The following VGLL4 variants were observed in gnomAD, a reference collection of about 807,000 sequenced individuals.
The protein encoded by VGLL4 is transcription cofactor vestigial-like protein 4.
VGLL4 carries 7 observed loss-of-function variants against 21.0 expected under a neutral mutation model. The observed-to-expected ratio is 0.33, with a 90% confidence interval of 0.19 to 0.63. The LOEUF (loss-of-function observed/expected upper bound fraction) is 0.63. Among genes scored for constraint, VGLL4 ranks in the 20% least tolerant of loss-of-function variants. The pLI is 0.78. For synonymous variants in VGLL4, 222 were observed against 173.2 expected (o/e 1.28, Z -2.21); for missense variants, 394 against 425.7 (o/e 0.93, Z 0.66).
intron 1 of VGLL4, among the ~76,000 whole-genome samples, chr3:11,638,579 C>A (rs772242296): frequency 1.6e-4 from 24 of 152,066 alleles, no homozygotes; most frequent in Non-Finnish European, 2.8e-4. Context: ...CACTCCCTAT[C>A]CTTTCCTGCA....
intron 2 of VGLL4, among the ~76,000 whole-genome samples, chr3:11,589,935 C>A (rs3856798): frequency 0.78 from 119,405 of 152,154 alleles, 47,550 homozygotes; most frequent in Non-Finnish European, 0.86. Flanking sequence ...TTGAGGCTTC[C>A]ACACGAGAAT....
At chr3:11,671,732 T>A (rs75945119) in intron 2 of VGLL4, among the ~76,000 whole-genome samples, 10,070 of 152,028 alleles carry the variant, frequency 0.066, 712 homozygotes, top group East Asian at 0.37. Flanking sequence ...TTTTTTTTTT[T>A]AAATAACTTC....
chr3:11,679,192 G>T (rs538082673), intron 2 of VGLL4, among the ~76,000 whole-genome samples: 108 of 152,276 alleles, frequency 7.1e-4, no homozygotes, highest in Non-Finnish European at 1.3e-3. Flanking sequence ...GTGTCCAGAA[G>T]AAGGCATTGT....
chr3:11,561,136 G>C (rs2072957106), intron 3 of VGLL4, among the ~76,000 whole-genome samples: 1 of 151,920 alleles, frequency 6.6e-6, no homozygotes, highest in Non-Finnish European at 1.5e-5. Flanking sequence ...CCCCCCCCCA[G>C]GGTCCTCCCA....
chr3:11,681,159 G>A (rs1299542376), intron 2 of VGLL4, among the ~76,000 whole-genome samples: 32 of 152,150 alleles, frequency 2.1e-4, no homozygotes, highest in Admixed American at 6.5e-5. Flanking sequence ...GTGCAGTGGC[G>A]CGATCTCCGC....
intron 2 of VGLL4, among the ~76,000 whole-genome samples, chr3:11,681,245 C>G (rs1052776485): frequency 1.3e-5 from 2 of 152,048 alleles, no homozygotes; most frequent in Non-Finnish European, 2.9e-5. Flanking sequence ...CTACAGGTGC[C>G]CGCCACCACG....
intron 1 of VGLL4, among the ~76,000 whole-genome samples, chr3:11,617,443 C>T (rs73127110): frequency 0.086 from 13,025 of 152,216 alleles, 1,002 homozygotes; most frequent in African/African-American, 0.2. Flanking sequence ...GGGAGGCTTC[C>T]GTGAGGGGTG....
rs1210708166 is a variant in VGLL4, at chr3:11,559,316, G to T, written c.619+16C>A. 6.6e-7 allele frequency: 1 copy of T among 1,524,298 alleles called. No individual in the cohort carries two copies. The highest frequency in any genetic ancestry group is 2.1e-5 in the Admixed American group (1 of 47,584). 94.4% of individuals were successfully genotyped at this position (1,524,298 alleles called of 1,614,324 possible). On this transcript the variant is annotated intron_variant, in intron 4 of 4. Coordinates refer to ENST00000430365, the MANE Select transcript of VGLL4 (RefSeq NM_001128219.3). ...CTAGCACAGCTGTGACAGGTGAGGAGGCCCGGGACACTCACCGCTCGGTGG... is the reference window on the plus strand; with the variant it reads ...CTAGCACAGCTGTGACAGGTGAGGATGCCCGGGACACTCACCGCTCGGTGG...
At chr3:11,661,457 TTATTTATC>T (rs754975179) in intron 2 of VGLL4, among the ~76,000 whole-genome samples, 1 of 151,200 alleles carries the variant, frequency 6.6e-6, no homozygotes, top group Non-Finnish European at 1.5e-5. Flanking sequence ...ATTTATTTAT[TTATTTATC>T]TATTTATTTA....
chr3:11,599,662 G>A (rs2074740005), intron 2 of VGLL4, among the ~76,000 whole-genome samples: 1 of 144,110 alleles, frequency 6.9e-6, no homozygotes, highest in East Asian at 2.1e-4. Context: ...GGGATGACAG[G>A]CATGCACCAC....
intron 1 of VGLL4, among the ~76,000 whole-genome samples, chr3:11,713,011 C>CA (rs2076869139): frequency 6.6e-6 from 1 of 152,178 alleles, no homozygotes; most frequent in Non-Finnish European, 1.5e-5. Flanking sequence ...ACACCGGCAA[C>CA]AAACTACCAA....
Position 11,565,474 on chromosome 3 carries a change from C to A in VGLL4, c.273-455G>T, listed in dbSNP as rs2073434504. 6.6e-6 allele frequency among the ~76,000 whole-genome samples: 1 copy of A among 152,168 alleles called. No individual in the cohort carries two copies. The highest frequency in any genetic ancestry group is 1.5e-5 in the Non-Finnish European group (1 of 68,022). ...AGCACTGCTCAGCCCATCTTCCTCA[C>A]AGTACTGCTCAGCCCGTCTTCCTAA... On this transcript the variant is annotated intron_variant, in intron 2 of 4. Coordinates refer to ENST00000430365, the MANE Select transcript of VGLL4 (RefSeq NM_001128219.3). This position sits in a 1 kb window ranked among gnomAD's most constrained non-coding sequence, Gnocchi z 4.1.
intron 2 of VGLL4, among the ~76,000 whole-genome samples, chr3:11,685,205 T>G (rs1235317374): frequency 1.3e-5 from 2 of 148,666 alleles, no homozygotes; most frequent in Non-Finnish European, 3.0e-5. Context: ...GTGTTGTTTT[T>G]TTTTTTTTTT....
chr3:11,669,890 G>GA (rs576973189), intron 2 of VGLL4, among the ~76,000 whole-genome samples: 95 of 152,028 alleles, frequency 6.2e-4, no homozygotes, highest in African/African-American at 2.2e-3. Flanking sequence ...TCCTGGCCTC[G>GA]AGTGATCTTC....
intron 1 of VGLL4, among the ~76,000 whole-genome samples, chr3:11,621,057 C>T (rs1388391771): frequency 1.3e-5 from 2 of 152,152 alleles, no homozygotes; most frequent in Admixed American, 6.5e-5. Context: ...TGAGCTAATA[C>T]TTTGCACAAT....
At chr3:11,592,887 G>A (rs968142756) in intron 2 of VGLL4, among the ~76,000 whole-genome samples, 1 of 152,168 alleles carries the variant, frequency 6.6e-6, no homozygotes. Flanking sequence ...CAGCGCACAA[G>A]GGCTCACGAG....
chr3:11,570,729 T>C (rs1034543436), intron 2 of VGLL4, among the ~76,000 whole-genome samples: 3 of 152,202 alleles, frequency 2.0e-5, no homozygotes, highest in African/African-American at 7.2e-5. Flanking sequence ...ATGTTGGGCA[T>C]AAACAGTGGT....
In VGLL4 at chr3:11,600,477, C is replaced by T. The variant is rs568679098; in HGVS notation, c.272+1356G>A. Among the ~76,000 whole-genome samples, 250 of 152,292 alleles carry T rather than the reference C, an allele frequency of 1.6e-3. 2 individuals carry two copies. The highest frequency in any genetic ancestry group is 5.7e-3 in the African/African-American group (238 of 41,570). On this transcript the variant is annotated intron_variant, in intron 2 of 4. Coordinates refer to ENST00000430365, the MANE Select transcript of VGLL4 (RefSeq NM_001128219.3). ...GAATGAACTGCAAGAGCTGAGCACCCAGGAGTTAAGCTAGCCCTGCCTGCG... is the reference window on the plus strand; with the variant it reads ...GAATGAACTGCAAGAGCTGAGCACCTAGGAGTTAAGCTAGCCCTGCCTGCG...
intron 2 of VGLL4, among the ~76,000 whole-genome samples, chr3:11,570,204 G>A (rs994503183): frequency 2.6e-5 from 4 of 151,976 alleles, no homozygotes; most frequent in African/African-American, 7.3e-5. Flanking sequence ...CGGCCCTGTG[G>A]CATCAGCCGC....
Sources: allele counts gnomAD v4.1 joint callset (sites outside exome capture counted in the v4.1 genomes callset), GRCh38; gene constraint gnomAD v4.1.1; non-coding constraint Gnocchi (gnomAD v3.1); transcripts MANE v1.5; gene names NCBI Gene and HGNC (gene_info 2026-07-23, HGNC 2026-07-21).